CDH1: variants seen among roughly 807,000 people sequenced by gnomAD.
CDH1 encodes cadherin 1.
In CDH1, 35 loss-of-function variants were observed where a neutral mutation model predicts 84.5. That is an observed-to-expected ratio of 0.41 (90% confidence interval 0.32 to 0.55). The LOEUF is 0.55. CDH1 is among the 20% of genes least tolerant of loss of function. The pLI is 0.19. For synonymous variants in CDH1, 417 were observed against 439.0 expected, an observed-to-expected ratio of 0.95 and a Z score of 0.63; for missense variants, 994 against 1,126.6, an observed-to-expected ratio of 0.88 and a Z score of 1.68.
At chr16:68,801,044 A>G (rs1960483167) in intron 2 of CDH1, among the ~76,000 whole-genome samples, 1 of 152,204 alleles carries the variant, frequency 6.6e-6, no homozygotes. Context: ...TCTAATGTAT[A>G]GTGTAGATGC....
intron 2 of CDH1, among the ~76,000 whole-genome samples, chr16:68,746,636 C>T (rs1027240619): frequency 1.3e-5 from 2 of 152,004 alleles, no homozygotes; most frequent in Admixed American, 6.6e-5. Context: ...GGATTGAGAA[C>T]TCTATGGATG....
chr16:68,794,840 C>T (rs1310737819), intron 2 of CDH1, among the ~76,000 whole-genome samples: 1 of 146,760 alleles, frequency 6.8e-6, no homozygotes, highest in Non-Finnish European at 1.5e-5. Context: ...GCGCCCACCA[C>T]CATGCCCAGC....
intron 3 of CDH1, among the ~76,000 whole-genome samples, chr16:68,804,777 A>ATTAATTT (rs1555514819): frequency 6.8e-6 from 1 of 146,898 alleles, no homozygotes; most frequent in Non-Finnish European, 1.5e-5. Context: ...TTATATATTG[A>ATTAATTT]TTAATTTTTA....
At chr16:68,810,784 T>C (rs1960799402) in intron 6 of CDH1, among the ~76,000 whole-genome samples, 1 of 151,808 alleles carries the variant, frequency 6.6e-6, no homozygotes, top group African/African-American at 2.4e-5. Context: ...GAGAATTGCT[T>C]GAACCCGGGA....
At chr16:68,815,333 G>A (rs1037609309) in intron 9 of CDH1, among the ~76,000 whole-genome samples, 182 bp from the exon 10 acceptor site, 2 of 152,102 alleles carry the variant, frequency 1.3e-5, no homozygotes, top group Non-Finnish European at 2.9e-5. Context: ...GAGTAGGTGA[G>A]CAGATTTGAG....
chr16:68,760,656 T>C (rs901323598), intron 2 of CDH1, among the ~76,000 whole-genome samples: 1 of 152,162 alleles, frequency 6.6e-6, no homozygotes, highest in Admixed American at 6.5e-5. Flanking sequence ...GCACAGTGTG[T>C]GAGTGCCTTC....
At chr16:68,788,098 A>T (rs1960114124) in intron 2 of CDH1, among the ~76,000 whole-genome samples, 1 of 152,116 alleles carries the variant, frequency 6.6e-6, no homozygotes, top group Admixed American at 6.6e-5. Context: ...AAGTGCTGGG[A>T]TTACAGGTGT....
chr16:68,797,769 G>T (rs2152125019), intron 2 of CDH1, among the ~76,000 whole-genome samples: 1 of 152,242 alleles, frequency 6.6e-6, no homozygotes, highest in South Asian at 2.1e-4. Context: ...TGATGATGGT[G>T]ATGATATTGT....
intron 2 of CDH1, among the ~76,000 whole-genome samples, chr16:68,745,545 A>AT (rs1399448265): frequency 0.011 from 211 of 19,428 alleles, 1 homozygote; most frequent in African/African-American, 0.021. Context: ...AAAAAAAAAA[A>AT]AAAAATATAT....
intron 9 of CDH1, among the ~76,000 whole-genome samples, chr16:68,815,028 C>T (rs930644039): frequency 4.6e-5 from 7 of 151,668 alleles, no homozygotes; most frequent in African/African-American, 9.7e-5. Context: ...GAGTTCGAGA[C>T]CAGCCTGGCC....
intron 2 of CDH1, among the ~76,000 whole-genome samples, chr16:68,786,499 A>G (rs987088503): frequency 3.1e-5 from 4 of 131,102 alleles, no homozygotes; most frequent in African/African-American, 8.7e-5. Flanking sequence ...TGAGCCCCCC[A>G]GTCTGAGATC....
At chr16:68,780,809 G>C (rs1411459514) in intron 2 of CDH1, among the ~76,000 whole-genome samples, 1 of 152,156 alleles carries the variant, frequency 6.6e-6, no homozygotes, top group African/African-American at 2.4e-5. Context: ...AGTGACATGA[G>C]GGTAGTTGGT....
At chr16:68,762,611 A>G (rs1377365656) in intron 2 of CDH1, among the ~76,000 whole-genome samples, 1 of 152,088 alleles carries the variant, frequency 6.6e-6, no homozygotes, top group Non-Finnish European at 1.5e-5. Flanking sequence ...CAAAAACAAA[A>G]CAAAACAAAA....
intron 2 of CDH1, among the ~76,000 whole-genome samples, chr16:68,745,257 G>A (rs539776596): frequency 4.3e-4 from 65 of 151,550 alleles, no homozygotes; most frequent in African/African-American, 1.5e-3. Flanking sequence ...CAAGGCCGCA[G>A]GATTACTTGA....
intron 3 of CDH1, among the ~76,000 whole-genome samples, chr16:68,804,007 A>T (rs1317206408): frequency 6.7e-6 from 1 of 148,472 alleles, no homozygotes; most frequent in Non-Finnish European, 1.5e-5. Context: ...TCCAGTCATC[A>T]TGTCTTTTTT....
chr16:68,824,287 G>A (rs550548136), intron 13 of CDH1, among the ~76,000 whole-genome samples: 20 of 152,164 alleles, frequency 1.3e-4, no homozygotes, highest in Non-Finnish European at 2.1e-4. Context: ...TTGAGCCACC[G>A]CACCCGGCCA....
At chr16:68,811,554 T>G (rs34665695) in intron 6 of CDH1, 130 bp from the exon 7 acceptor site, 1 of 774,388 alleles carries the variant, frequency 1.3e-6, no homozygotes, top group East Asian at 2.5e-5. Context: ...TTCTAGGAAT[T>G]AGGGAACTCT....
At chr16:68,807,258 CATA>C (rs1196824539) in intron 3 of CDH1, among the ~76,000 whole-genome samples, 1 of 152,188 alleles carries the variant, frequency 6.6e-6, no homozygotes, top group African/African-American at 2.4e-5. Flanking sequence ...ACCATATAGA[CATA>C]ATGATACAGT....
chr16:68,814,695 T>G (rs1204122586), intron 9 of CDH1, among the ~76,000 whole-genome samples: 1 of 152,230 alleles, frequency 6.6e-6, no homozygotes, highest in Non-Finnish European at 1.5e-5. Flanking sequence ...TTTACTGGTC[T>G]CTGCTCTTGT....
Sources: gnomAD v4.1 joint callset for allele counts (sites outside exome capture counted in the v4.1 genomes callset) on GRCh38, gnomAD v4.1.1 for gene constraint, MANE v1.5 for transcripts, NCBI Gene and HGNC (gene_info 2026-07-23, HGNC 2026-07-21) for gene names.